DNM2: variants seen among roughly 807,000 people sequenced by gnomAD.
DNM2 encodes dynamin 2, also known as dynamin-2.
Under a neutral mutation model 99.0 loss-of-function variants are expected in DNM2, and 15 were observed. The observed-to-expected ratio is 0.15, with a 90% CI of 0.10 to 0.23. DNM2 has a LOEUF of 0.23. DNM2 is among the 10% of genes least tolerant of loss of function. DNM2 has a pLI of 1.00. For missense variants in DNM2, 742 were observed against 1,189.4 expected, an observed-to-expected ratio of 0.62 and a Z score of 5.53; for synonymous variants, 525 against 481.2, an observed-to-expected ratio of 1.09 and a Z score of -1.19.
intron 2 of DNM2, chr19:10,769,294 A>C (rs2070899600): frequency 1.3e-5 from 2 of 152,394 alleles, no homozygotes. Context: ...CTGCCAGTAC[A>C]TGCTGGGCTC....
rs147513150 is a variant in DNM2 at position 10,824,702 on chromosome 19, G to A, written c.1894-355G>A. ...CCTGTAATCCCATCTACTCCAGGGC[G>A]CTGAGGTGGGAGGATCACTTGAGCT... On this transcript the variant is annotated intron_variant, in intron 17 of 20. Coordinates refer to ENST00000389253, the MANE Select transcript of DNM2 (RefSeq NM_001005361.3). 1.9e-4 allele frequency: 67 copies of A among 346,206 alleles called. 1 individual carries two copies. The East Asian group carries it at 2.2e-3, about 11-fold the overall frequency. 21.4% of individuals were successfully genotyped at this position (346,206 alleles called of 1,614,324 possible).
At chr19:10,779,603 G>A (rs2071287596) in intron 5 of DNM2, among the ~76,000 whole-genome samples, 1 of 136,012 alleles carries the variant, frequency 7.4e-6, no homozygotes, top group Admixed American at 8.4e-5. Flanking sequence ...AAACTCCCAG[G>A]CTCAAGTGAT....
chr19:10,787,015 G>T (rs1416556924), intron 7 of DNM2, among the ~76,000 whole-genome samples: 2 of 152,234 alleles, frequency 1.3e-5, no homozygotes, highest in African/African-American at 4.8e-5. Context: ...TGTGGGAGTT[G>T]TCGGGAACAG....
chr19:10,825,366 C>T (rs528753578), intron 18 of DNM2, 145 bp downstream of exon 18: 2 of 1,171,422 alleles, frequency 1.7e-6, no homozygotes, highest in African/African-American at 1.6e-5. Flanking sequence ...GAAACCCCAT[C>T]TCTACTAAAA....
rs1002915502 is a variant in DNM2 at position 10,795,821 on chromosome 19, G to A, written c.1196+382G>A. 4.6e-5 allele frequency: 29 copies of A among 630,670 alleles called. No homozygotes were observed. The highest frequency in any genetic ancestry group is 3.8e-4 in the African/African-American group (21 of 54,712). The allele number at this position is 630,670 out of a possible 1,614,324, so 39.1% of individuals were successfully genotyped here. ...AGTCCCCATCATGGCTTCCTCGTGA[G>A]CCTCTTGGGTCCCCTCCTTATTCTA... On this transcript the variant is annotated intron_variant, in intron 9 of 20. Transcript: ENST00000389253. The surrounding 1 kb of genome is among the most constrained non-coding windows in gnomAD (Gnocchi z 4.2).
At chr19:10,739,157 A>T (rs1259295500) in intron 1 of DNM2, among the ~76,000 whole-genome samples, 2 of 152,348 alleles carry the variant, frequency 1.3e-5, no homozygotes, top group African/African-American at 2.4e-5. Context: ...TGGGCGACAG[A>T]GCGAGACTCC....
chr19:10,785,309 A>G lies in DNM2; in HGVS notation c.850-1255A>G, dbSNP rs538865481. The stretch of plus-strand genomic sequence containing the variant: ...ATTTTTTTTTTTTTTTTGTATTTTT[A>G]GTAGAGACGGGGTTTCACCGTGTTA... On this transcript the variant is annotated intron_variant, in intron 6 of 20. Coordinates refer to ENST00000389253, the MANE Select transcript of DNM2 (RefSeq NM_001005361.3). Among the ~76,000 whole-genome samples, 211 of 127,748 alleles carry G rather than the reference A, an allele frequency of 1.7e-3. 8 individuals are homozygous for G. The South Asian group carries it at 0.049, about 29-fold the overall frequency. The allele number at this position is 127,748 out of a possible 152,430, so 83.8% of individuals were successfully genotyped here. A position where few individuals can be genotyped will look rare whatever the true frequency, so the allele number is the denominator to read the frequency against.
In DNM2 at chr19:10,816,471, G is replaced by A. The variant is rs116737652; in HGVS notation, c.1672-3509G>A. 2.9e-3 allele frequency among the ~76,000 whole-genome samples: 446 copies of A among 152,260 alleles called. No individual in the cohort carries two copies. The highest frequency in any genetic ancestry group is 0.01 in the African/African-American group (433 of 41,544). On this transcript the variant is annotated intron_variant, in intron 15 of 20. Coordinates refer to ENST00000389253, the MANE Select transcript of DNM2 (RefSeq NM_001005361.3). The surrounding 1 kb of genome is among the most constrained non-coding windows in gnomAD (Gnocchi z 4.6). ...CGAACCTCATGGGGTTGGGATGTGG[G>A]AGGAGTGTGGAGCCAGGCGTGGTCT... is the stretch of plus-strand genomic sequence containing the variant.
In DNM2 at chr19:10,823,677, G is replaced by A. The variant is rs914463700; in HGVS notation, c.1782-111G>A. The A allele has an allele frequency of 1.0e-5, 11 of 1,050,390 alleles. No homozygotes were observed. In the African/African-American group the frequency reaches 1.6e-4, roughly 15 times the overall value. The allele number at this position is 1,050,390 out of a possible 1,614,324, so 65.1% of individuals were successfully genotyped here. ...GCATGACCAGGTGAAGCCTGGGTTG[G>A]GTTTGGGTTCCTGATCAGTCAGAAA... On this transcript the variant is annotated intron_variant, in intron 16 of 20. Coordinates refer to ENST00000389253, the MANE Select transcript of DNM2 (RefSeq NM_001005361.3).
Position 10,811,844 on chromosome 19 carries a change from G to A in DNM2, c.1558-420G>A, listed in dbSNP as rs753173687. On this transcript the variant is annotated intron_variant, in intron 14 of 20. Transcript: ENST00000389253. This position sits in a 1 kb window ranked among gnomAD's most constrained non-coding sequence, Gnocchi z 5.4. ...CGCGCTCCTTCAATGTCCTTGGGGA[G>A]GGCCCCTGGGCTCACACCTTTGACC... The A allele has an allele frequency of 3.9e-6, 2 of 511,612 alleles. No homozygotes were observed. Among genetic ancestry groups the A allele is most frequent in the African/African-American group, 1.9e-5 (1 of 51,924 alleles). 31.7% of individuals were successfully genotyped at this position (511,612 alleles called of 1,614,324 possible).
Position 10,830,658 on chromosome 19 carries a change from C to T in DNM2, c.2543+280C>T. 2 of 585,334 alleles carry T rather than the reference C, an allele frequency of 3.4e-6. No homozygotes were observed. The highest frequency in any genetic ancestry group is 3.0e-6 in the Non-Finnish European group (1 of 332,046). The allele number at this position is 585,334 out of a possible 1,614,324, so 36.3% of individuals were successfully genotyped here. On this transcript the variant is annotated intron_variant, in intron 20 of 20. Transcript: ENST00000389253. The surrounding 1 kb of genome is among the most constrained non-coding windows in gnomAD (Gnocchi z 4.8). ...GCTGGGGAACCCTCACACTGGGCAC[C>T]TCCTCCCACTGTTTACCTTCTTCTC...
intron 1 of DNM2, among the ~76,000 whole-genome samples, chr19:10,758,695 T>TA (rs1468646841): frequency 6.6e-6 from 1 of 150,632 alleles, no homozygotes; most frequent in Non-Finnish European, 1.5e-5. Context: ...TACAGGCGTG[T>TA]GCCACCACAC....
At chr19:10,766,799 G>A (rs1050938782) in intron 2 of DNM2, among the ~76,000 whole-genome samples, 3 of 152,148 alleles carry the variant, frequency 2.0e-5, no homozygotes, top group Admixed American at 6.6e-5. Context: ...TTGGCAGCGT[G>A]ATTGCTGGAT....
At chr19:10,748,242 C>T (rs1448910411) in intron 1 of DNM2, among the ~76,000 whole-genome samples, 2 of 152,136 alleles carry the variant, frequency 1.3e-5, no homozygotes, top group South Asian at 2.1e-4. Context: ...ACCAAGGGCA[C>T]GACTGCACTG....
intron 2 of DNM2, among the ~76,000 whole-genome samples, chr19:10,761,276 C>T (rs375797013): frequency 2.6e-5 from 4 of 152,180 alleles, no homozygotes; most frequent in Admixed American, 6.5e-5. Flanking sequence ...CGTGAGCCAC[C>T]GCGCCCGGCC....
At chr19:10,821,819 C>T (rs1046802662) in intron 16 of DNM2, among the ~76,000 whole-genome samples, 1 of 152,186 alleles carries the variant, frequency 6.6e-6, no homozygotes, top group Non-Finnish European at 1.5e-5. Flanking sequence ...GTGTGAGCTA[C>T]TGCACCTGGC....
In DNM2 at chr19:10,818,525, A is replaced by G. The variant is rs563669500; in HGVS notation, c.1672-1455A>G. 6.6e-6 allele frequency among the ~76,000 whole-genome samples: 1 copy of G among 152,222 alleles called. No homozygotes were observed. Among genetic ancestry groups the G allele is most frequent in the Non-Finnish European group, 1.5e-5 (1 of 67,992 alleles). ...AAAGGGCAGGGCTGGCATCACCTCA[A>G]CCATGCTGAGCTCCTAACGCCCTGA... On this transcript the variant is annotated intron_variant, in intron 15 of 20. Coordinates refer to ENST00000389253, the MANE Select transcript of DNM2 (RefSeq NM_001005361.3). The surrounding 1 kb of genome is among the most constrained non-coding windows in gnomAD (Gnocchi z 4.3).
intron 14 of DNM2, chr19:10,809,596 G>C (rs1196601150): frequency 1.3e-5 from 2 of 152,508 alleles, no homozygotes; most frequent in African/African-American, 2.4e-5. Context: ...GCTACTCATA[G>C]CTGAGAACTG....
Position 10,772,334 on chromosome 19 carries a change from C to A in DNM2, c.236-145C>A. 9.6e-7 allele frequency: 1 copy of A among 1,045,810 alleles called. No individual in the cohort carries two copies. Among genetic ancestry groups the A allele is most frequent in the Non-Finnish European group, 1.5e-6 (1 of 685,792 alleles). The allele number at this position is 1,045,810 out of a possible 1,614,324, so 64.8% of individuals were successfully genotyped here. On this transcript the variant is annotated intron_variant, in intron 2 of 20. Coordinates refer to ENST00000389253, the MANE Select transcript of DNM2 (RefSeq NM_001005361.3). This position sits in a 1 kb window ranked among gnomAD's most constrained non-coding sequence, Gnocchi z 4.9. Reference sequence around the variant, plus strand: ...GACCTTGTGATCTGCCCACCTCTGCCTCCCAAAGTGCTGGGATTACAGGCG... The same window carrying A: ...GACCTTGTGATCTGCCCACCTCTGCATCCCAAAGTGCTGGGATTACAGGCG...
Sources: allele counts gnomAD v4.1 joint callset (sites outside exome capture counted in the v4.1 genomes callset), GRCh38; gene constraint gnomAD v4.1.1; non-coding constraint Gnocchi (gnomAD v3.1); transcripts MANE v1.5; gene names NCBI Gene and HGNC (gene_info 2026-07-23, HGNC 2026-07-21).